The following AHI1 variants were observed in gnomAD, a reference collection of about 807,000 sequenced individuals.
The protein encoded by AHI1 is jouberin.
Under a neutral mutation model 149.3 loss-of-function variants are expected in AHI1, and 123 were observed. The observed-to-expected ratio is 0.82, with a 90% CI of 0.71 to 0.96. AHI1 has a LOEUF of 0.96. Among genes scored for constraint, AHI1 ranks in the 40% least tolerant of loss-of-function variants. The pLI is 0.00. For missense variants in AHI1, 1,439 were observed against 1,422.7 expected, an observed-to-expected ratio of 1.01 and a Z score of -0.18; for synonymous variants, 475 against 459.8, an observed-to-expected ratio of 1.03 and a Z score of -0.42.
intron 24 of AHI1, among the ~76,000 whole-genome samples, chr6:135,328,942 C>T (rs779767022): frequency 1.3e-4 from 20 of 152,112 alleles, no homozygotes; most frequent in Non-Finnish European, 2.5e-4. Flanking sequence ...TCAAACAAGC[C>T]ACAACATTCT....
intron 27 of AHI1, among the ~76,000 whole-genome samples, chr6:135,296,232 C>A (rs1411110230): frequency 6.6e-6 from 1 of 152,192 alleles, no homozygotes; most frequent in Non-Finnish European, 1.5e-5. Flanking sequence ...CCTCTTTTCA[C>A]TAACTTCATG....
At position 135,303,817 on chromosome 6, in the gene AHI1, C is replaced by T. The variant is rs140273865; in HGVS notation, c.3427-3259G>A. On this transcript the variant is annotated intron_variant, in intron 26 of 28. Coordinates refer to ENST00000265602, the MANE Select transcript of AHI1 (RefSeq NM_001134831.2). ...AACTAGGTTTGCATGGCCTGGCACC[C>T]CCTGCTTCCCAACCCTATGCCCCCA... Among the ~76,000 whole-genome samples, 3 of 152,228 alleles carry T rather than the reference C, an allele frequency of 2.0e-5. No homozygotes were observed. In the East Asian group the frequency reaches 5.8e-4, roughly 29 times the overall value.
At chr6:135,481,282 T>C (rs922348619) in intron 5 of AHI1, among the ~76,000 whole-genome samples, 4 of 152,262 alleles carry the variant, frequency 2.6e-5, no homozygotes, top group Non-Finnish European at 5.9e-5. Flanking sequence ...TATTCTGTTA[T>C]AAGCAACAGA....
At chr6:135,327,654 T>C (rs1787904893) in intron 24 of AHI1, among the ~76,000 whole-genome samples, 1 of 152,140 alleles carries the variant, frequency 6.6e-6, no homozygotes. Flanking sequence ...TCTGCTCTCC[T>C]TTTACCTGCC....
At chr6:135,457,053 G>C (rs1361586573) in intron 9 of AHI1, among the ~76,000 whole-genome samples, 1 of 152,134 alleles carries the variant, frequency 6.6e-6, no homozygotes, top group East Asian at 1.9e-4. Flanking sequence ...AGCACTTTGG[G>C]AGGGTGAGGC....
chr6:135,346,190 T>TTA (rs1054630612), intron 24 of AHI1, among the ~76,000 whole-genome samples: 3 of 151,728 alleles, frequency 2.0e-5, no homozygotes, highest in African/African-American at 7.3e-5. Flanking sequence ...TTATTTTTAT[T>TTA]TTTATTTATT....
At chr6:135,394,567 T>C in intron 23 of AHI1, 1 of 581,844 alleles carries the variant, frequency 1.7e-6, no homozygotes, top group South Asian at 2.0e-5. Flanking sequence ...TAATAGCACA[T>C]AGGTTCAGTG....
intron 27 of AHI1, among the ~76,000 whole-genome samples, chr6:135,294,698 C>CAAAAAAAAAA (rs56734547): frequency 5.7e-4 from 39 of 67,968 alleles, no homozygotes; most frequent in East Asian, 1.0e-3. Flanking sequence ...TCTCCAAATG[C>CAAAAAAAAAA]AAAAAAAAAA....
At chr6:135,403,539 G>C (rs928166306) in intron 22 of AHI1, among the ~76,000 whole-genome samples, 1 of 152,160 alleles carries the variant, frequency 6.6e-6, no homozygotes, top group African/African-American at 2.4e-5. Flanking sequence ...TGCTCAATCT[G>C]TGCAGGACAC....
intron 23 of AHI1, among the ~76,000 whole-genome samples, chr6:135,381,097 T>C (rs1450822567): frequency 2.0e-5 from 3 of 152,160 alleles, no homozygotes; most frequent in Non-Finnish European, 4.4e-5. Context: ...TAAAGTGTTT[T>C]ACTTTCAACT....
At chr6:135,420,680 G>A (rs540601897) in intron 20 of AHI1, among the ~76,000 whole-genome samples, 1 of 152,236 alleles carries the variant, frequency 6.6e-6, no homozygotes, top group South Asian at 2.1e-4. Context: ...GAGAGTTAGA[G>A]GCCTTGCTCT....
At chr6:135,446,164 A>G (rs566771020) in intron 13 of AHI1, among the ~76,000 whole-genome samples, 1 of 151,982 alleles carries the variant, frequency 6.6e-6, no homozygotes, top group East Asian at 1.9e-4. Context: ...TCCCACTCAC[A>G]CCCCCACCCC....
chr6:135,326,179 T>C (rs1485866547), intron 24 of AHI1, among the ~76,000 whole-genome samples: 1 of 152,212 alleles, frequency 6.6e-6, no homozygotes, highest in African/African-American at 2.4e-5. Flanking sequence ...AATTCATAGG[T>C]TGAAGTCCTA....
chr6:135,392,348 G>C (rs1420061142), intron 23 of AHI1, among the ~76,000 whole-genome samples: 1 of 152,128 alleles, frequency 6.6e-6, no homozygotes, highest in African/African-American at 2.4e-5. Context: ...CCGTTACCTA[G>C]AACTCACCTT....
Position 135,300,899 on chromosome 6 carries a change from A to G in AHI1, c.3427-341T>C, listed in dbSNP as rs141405940. 5.9e-4 allele frequency: 593 copies of G among 1,010,874 alleles called. 3 individuals are homozygous for G. In the African/African-American group the frequency reaches 9.3e-3, roughly 16 times the overall value. 62.6% of individuals were successfully genotyped at this position (1,010,874 alleles called of 1,614,324 possible). A position where few individuals can be genotyped will look rare whatever the true frequency, so the allele number is the denominator to read the frequency against. ...GTGGTATATTACTTAAGCTCTAAAT[A>G]TATCTTTTAGCCTGCATCTTTCCTT... On this transcript the variant is annotated intron_variant, in intron 26 of 28. Transcript: ENST00000265602.
At chr6:135,286,396 T>TA (rs1215994662) in intron 28 of AHI1, 1 of 152,252 alleles carries the variant, frequency 6.6e-6, no homozygotes, top group East Asian at 1.9e-4. Context: ...GTTCTGGACT[T>TA]ACACAGAAAG....
At chr6:135,443,600 G>C (rs942579201) in intron 13 of AHI1, among the ~76,000 whole-genome samples, 1 of 152,118 alleles carries the variant, frequency 6.6e-6, no homozygotes, top group African/African-American at 2.4e-5. Context: ...TAGCTTAATG[G>C]ACCTACTCAA....
At position 135,383,226 on chromosome 6, in the gene AHI1, C is replaced by CTTTTTTT. The variant is rs764546253; in HGVS notation, c.3109+11543_3109+11549dup. Among the ~76,000 whole-genome samples the CTTTTTTT allele has an allele frequency of 4.8e-4, 37 of 76,868 alleles. 11 individuals carry two copies. Among genetic ancestry groups the CTTTTTTT allele is most frequent in the East Asian group, 3.2e-3 (8 of 2,526 alleles). The allele number at this position is 76,868 out of a possible 152,430, so 50.4% of individuals were successfully genotyped here. Reference sequence around the variant, plus strand: ...GATTGATTCCTTCCTTCCCCCCTCCCTTTTTTTTTTTTTTTTTTTTTGAGA... The same window carrying CTTTTTTT: ...GATTGATTCCTTCCTTCCCCCCTCCCTTTTTTTTTTTTTTTTTTTTTTTTTTTTGAGA... On this transcript the variant is annotated intron_variant, in intron 23 of 28. Coordinates refer to ENST00000265602, the MANE Select transcript of AHI1 (RefSeq NM_001134831.2).
At chr6:135,344,331 T>C (rs1037358723) in intron 24 of AHI1, among the ~76,000 whole-genome samples, 2 of 151,656 alleles carry the variant, frequency 1.3e-5, no homozygotes, top group Non-Finnish European at 2.9e-5. Context: ...TACAAGTCAA[T>C]AATAAACAGG....
Sources: allele counts gnomAD v4.1 joint callset (sites outside exome capture counted in the v4.1 genomes callset), GRCh38; gene constraint gnomAD v4.1.1; transcripts MANE v1.5; gene names NCBI Gene and HGNC (gene_info 2026-07-23, HGNC 2026-07-21).